Variants in TPO observed in about 807,000 individuals in gnomAD.
TPO encodes thyroid peroxidase.
In TPO, 78 loss-of-function variants were observed where a neutral mutation model predicts 96.9. The observed-to-expected ratio is 0.81, with a 90% CI of 0.67 to 0.97. The LOEUF is 0.97. TPO is among the 50% of genes least tolerant of loss of function. The probability of loss-of-function intolerance (pLI) is 0.00; values close to 1 mark genes in which losing one functional copy is unlikely to be tolerated. For missense variants in TPO, 1,252 were observed against 1,274.8 expected (o/e 0.98, Z 0.27); for synonymous variants, 547 against 538.0 (o/e 1.02, Z -0.23).
At chr2:1,470,374 C>T (rs1007170331) in intron 7 of TPO, among the ~76,000 whole-genome samples, 1 of 152,098 alleles carries the variant, frequency 6.6e-6, no homozygotes, top group South Asian at 2.1e-4. Flanking sequence ...AGGAGTGAGC[C>T]TTGGTCCTTC....
rs1042991590 is a variant in TPO, at chr2:1,496,459, G to A, written c.2216-136G>A. 3.9e-6 allele frequency: 5 copies of A among 1,298,422 alleles called. No individual in the cohort carries two copies. In the African/African-American group the frequency reaches 4.3e-5, roughly 11 times the overall value. 80.4% of individuals were successfully genotyped at this position (1,298,422 alleles called of 1,614,324 possible). A position where few individuals can be genotyped will look rare whatever the true frequency, so the allele number is the denominator to read the frequency against. ...GCCGTGTGTGCTGCGTGGGTGCTCAGTGAGTGACCACAGCAGGGCTCCCCG... is the reference window on the plus strand; with the variant it reads ...GCCGTGTGTGCTGCGTGGGTGCTCAATGAGTGACCACAGCAGGGCTCCCCG... On this transcript the variant is annotated intron_variant, in intron 12 of 16. Coordinates refer to ENST00000329066, the MANE Select transcript of TPO (RefSeq NM_001206744.2).
At chr2:1,429,330 A>G (rs1288928478) in intron 3 of TPO, among the ~76,000 whole-genome samples, 1 of 152,178 alleles carries the variant, frequency 6.6e-6, no homozygotes, top group African/African-American at 2.4e-5. Context: ...AGCCATGCTT[A>G]TATAGCCAGA....
intron 5 of TPO, among the ~76,000 whole-genome samples, chr2:1,452,565 T>C (rs571504886): frequency 2.6e-5 from 4 of 152,338 alleles, no homozygotes; most frequent in African/African-American, 9.6e-5. Context: ...AGAAACCTGC[T>C]CCTGTGACTA....
In TPO at chr2:1,384,971, A is replaced by T. The variant is rs1430862927; in HGVS notation, n.180+10569A>T. On this transcript the variant is annotated intron_variant and non_coding_transcript_variant, in intron 1 of 5. Coordinates refer to the TPO transcript ENST00000497517. ...CTTTTCTGCATCTATTGAGATAATC[A>T]TGTGGTTTTTGTCTTTGGTTCTGTT... 2.6e-5 allele frequency among the ~76,000 whole-genome samples: 4 copies of T among 152,244 alleles called. No individual in the cohort carries two copies. In the South Asian group the frequency reaches 6.2e-4, roughly 24 times the overall value.
rs931234377 is a variant in TPO, at chr2:1,479,179, C to T, written c.1338+1575C>T. ...AGGTCCTCGTCTCCATGAGTCTGGA[C>T]TTCCGGCCACACGCGTGGGGAGGCA... On this transcript the variant is annotated intron_variant, in intron 8 of 16. Transcript: ENST00000329066. Among the ~76,000 whole-genome samples, 4 of 152,238 alleles carry T rather than the reference C, an allele frequency of 2.6e-5. No homozygotes were observed. The East Asian group carries it at 7.7e-4, about 29-fold the overall frequency.
At chr2:1,466,965 G>A (rs1165593472) in intron 7 of TPO, among the ~76,000 whole-genome samples, 1 of 151,964 alleles carries the variant, frequency 6.6e-6, no homozygotes. Flanking sequence ...ATTCCTTAAG[G>A]TGTAACCTTA....
At chr2:1,423,160 A>T in intron 3 of TPO, 31 bp downstream of exon 3, 1 of 1,605,578 alleles carries the variant, frequency 6.2e-7, no homozygotes. Context: ...GCCGCCCCAA[A>T]TGCCACCGAC....
At chr2:1,531,630 CT>C in intron 15 of TPO, among the ~76,000 whole-genome samples, 1 of 105,106 alleles carries the variant, frequency 9.5e-6, no homozygotes, top group Non-Finnish European at 2.0e-5. Context: ...CAAAACACCC[CT>C]CAATGTGTGC....
chr2:1,485,295 C>G (rs556378658), intron 9 of TPO, among the ~76,000 whole-genome samples: 1 of 152,238 alleles, frequency 6.6e-6, no homozygotes, highest in African/African-American at 2.4e-5. Flanking sequence ...TTTCTTAATC[C>G]AGTCTAGCAC....
chr2:1,436,207 T>A (rs1220786113), intron 4 of TPO, 45 bp from the exon 5 acceptor site: 1 of 1,613,838 alleles, frequency 6.2e-7, no homozygotes, highest in African/African-American at 1.3e-5. Flanking sequence ...GTTAGGTGGA[T>A]TTGTGGTTAC....
Position 1,428,429 on chromosome 2 carries a change from G to A in TPO, c.180-5009G>A, listed in dbSNP as rs570417313. ...CAAGGGAGAGTCCTCTGAGCTACAC[G>A]GCAGTTGCAGGGACAGGAAGGGCTG... On this transcript the variant is annotated intron_variant, in intron 3 of 16. Coordinates refer to ENST00000329066, the MANE Select transcript of TPO (RefSeq NM_001206744.2). Among the ~76,000 whole-genome samples, 108 of 152,286 alleles carry A rather than the reference G, an allele frequency of 7.1e-4. 2 individuals are homozygous for A. The South Asian group carries it at 0.02, about 28-fold the overall frequency.
At chr2:1,389,304 G>T (rs746239717) in intron 1 of TPO, among the ~76,000 whole-genome samples, 8 of 152,166 alleles carry the variant, frequency 5.3e-5, no homozygotes, top group Non-Finnish European at 8.8e-5. Flanking sequence ...TGGTGTCCGG[G>T]TTATTGATTT....
intron 14 of TPO, chr2:1,512,475 C>T (rs1242023622): frequency 2.1e-5 from 21 of 985,310 alleles, no homozygotes; most frequent in Admixed American, 1.8e-4. Context: ...GTGCGCTCCG[C>T]GCTGCCTTCT....
chr2:1,430,284 C>T (rs1012315476), intron 3 of TPO, among the ~76,000 whole-genome samples: 1 of 152,210 alleles, frequency 6.6e-6, no homozygotes, highest in African/African-American at 2.4e-5. Flanking sequence ...TTGAACAGTC[C>T]AAGCCGTAAG....
intron 15 of TPO, among the ~76,000 whole-genome samples, chr2:1,519,836 G>GT (rs1366154194): frequency 6.6e-6 from 1 of 152,032 alleles, no homozygotes; most frequent in African/African-American, 2.4e-5. Context: ...ATAAATATTA[G>GT]TGTCTGTAGC....
chr2:1,510,557 G>A (rs1479963592), intron 14 of TPO, among the ~76,000 whole-genome samples: 7 of 152,198 alleles, frequency 4.6e-5, no homozygotes, highest in Non-Finnish European at 7.3e-5. Context: ...AGCCCTGGGA[G>A]AGCACCCAGA....
chr2:1,503,996 C>A lies in TPO; in HGVS notation c.2435C>A (p.Ala812Glu), dbSNP rs752390603. Residue 812 changes from alanine (A) to glutamate (E), a missense_variant, in exon 14 of 17, where the codon GCG (alanine) becomes GAG (glutamate). Coordinates refer to ENST00000329066, the MANE Select transcript of TPO (RefSeq NM_001206744.2). ...GCCCACCCCCCCTGCCACGCCTCTG[C>A]GAGGTGCAGAAACACCAAAGGCGGC... is the stretch of plus-strand genomic sequence containing the variant. ...DGAHPPCHAS[A>E]RCRNTKGGFQ... The A allele has an allele frequency of 6.2e-7, 1 of 1,614,074 alleles. No homozygotes were observed. Among genetic ancestry groups the A allele is most frequent in the African/African-American group, 1.3e-5 (1 of 74,924 alleles).
intron 3 of TPO, among the ~76,000 whole-genome samples, chr2:1,433,120 T>C (rs1665192384): frequency 6.6e-6 from 1 of 152,110 alleles, no homozygotes; most frequent in African/African-American, 2.4e-5. Context: ...CATATCTTGG[T>C]TTGGATGTGA....
At chr2:1,482,026 C>T (rs1382868764) in intron 8 of TPO, among the ~76,000 whole-genome samples, 1 of 152,182 alleles carries the variant, frequency 6.6e-6, no homozygotes, top group African/African-American at 2.4e-5. Flanking sequence ...CCTGGAGCAC[C>T]CTCAGCAAGC....
Sources: gnomAD v4.1 joint callset for allele counts (sites outside exome capture counted in the v4.1 genomes callset) on GRCh38, gnomAD v4.1.1 for gene constraint, MANE v1.5 for transcripts, NCBI Gene and HGNC (gene_info 2026-07-23, HGNC 2026-07-21) for gene names.